EFL1: variants seen among roughly 807,000 people sequenced by gnomAD.
EFL1 encodes the protein elongation factor like GTPase 1.
Under a neutral mutation model 126.7 loss-of-function variants are expected in EFL1, and 76 were observed. The ratio of observed to expected loss-of-function variants is 0.60; its 90% CI spans 0.50 to 0.73. The LOEUF (loss-of-function observed/expected upper bound fraction) is 0.73, where lower values mean the gene tolerates loss of function less well. EFL1 is among the 30% of genes least tolerant of loss of function. EFL1 has a pLI of 0.00. For missense variants in EFL1, 1,128 were observed against 1,343.2 expected (o/e 0.84, Z 2.50); for synonymous variants, 410 against 448.4 (o/e 0.91, Z 1.08).
intron 2 of EFL1, 152 bp downstream of exon 2, chr15:82,261,536 G>A (rs2075117851): frequency 4.5e-6 from 3 of 660,728 alleles, no homozygotes; most frequent in East Asian, 5.6e-5. Context: ...TAGCAAAGCA[G>A]GCTTCCCTAA....
Position 82,214,817 on chromosome 15 carries a change from G to C in EFL1, c.1650C>G (p.Pro550=), listed in dbSNP as rs1444661680. 2.8e-5 allele frequency: 44 copies of C among 1,590,186 alleles called. No individual in the cohort carries two copies. Among genetic ancestry groups the C allele is most frequent in the Non-Finnish European group, 3.6e-5 (42 of 1,173,250 alleles). The change falls in exon 15 of 20, where the codon CCC becomes CCG. Residue 550 remains proline, a synonymous_variant. Transcript: ENST00000268206. ...LGFSAPPDGL[P]QVPHMAYCAL... is the part of the protein sequence containing the mutation. ...CACAGTATGCCATGTGGGGGACTTG[G>C]GGGAGGCCATCTGGTGGAGCTGAGA...
intron 18 of EFL1, among the ~76,000 whole-genome samples, chr15:82,150,300 AC>A (rs1382897124): frequency 6.6e-6 from 1 of 152,152 alleles, no homozygotes; most frequent in Admixed American, 6.5e-5. Flanking sequence ...CAGCAAAAGA[AC>A]CTTCCTAAAA....
At chr15:82,148,913 G>C (rs546520318) in intron 18 of EFL1, among the ~76,000 whole-genome samples, 16 of 151,960 alleles carry the variant, frequency 1.1e-4, no homozygotes, top group Non-Finnish European at 2.4e-4. Context: ...GTTTATACAA[G>C]TATGAGGTAA....
intron 12 of EFL1, among the ~76,000 whole-genome samples, chr15:82,224,226 A>G (rs911400949): frequency 1.3e-5 from 2 of 152,146 alleles, no homozygotes; most frequent in African/African-American, 4.8e-5. Context: ...CTCACATATC[A>G]TTTTCATGAT....
chr15:82,231,713 A>C (rs1348296470), intron 7 of EFL1, among the ~76,000 whole-genome samples: 1 of 152,070 alleles, frequency 6.6e-6, no homozygotes, highest in African/African-American at 2.4e-5. Context: ...CTGAAAGCCC[A>C]ACCTAATGCA....
rs769555564 is a variant in EFL1 at position 82,220,149 on chromosome 15, C to G, written c.1373G>C (p.Gly458Ala). The change falls in exon 13 of 20, where the codon GGA becomes GCA. Residue 458 changes from glycine (G) to alanine (A), a missense_variant. Transcript: ENST00000268206. ...TTGGGTGGGCTCCAAGGGTGCCTGT[C>G]CCTGTGCTGCTGCAAGCTTCTCTGC... ...RHAEKLAAAQ[G>A]QAPLEPTQDG... 9 of 1,613,768 alleles carry G rather than the reference C, an allele frequency of 5.6e-6. No homozygotes were observed. In the Admixed American group the frequency reaches 1.3e-4, roughly 24 times the overall value.
At chr15:82,204,893 G>A (rs2141285686) in intron 15 of EFL1, among the ~76,000 whole-genome samples, 1 of 152,320 alleles carries the variant, frequency 6.6e-6, no homozygotes, top group South Asian at 2.1e-4. Flanking sequence ...AAGAGAATAT[G>A]ATCTGCAGTC....
At chr15:82,213,992 T>A (rs1567065729) in intron 15 of EFL1, among the ~76,000 whole-genome samples, 1 of 152,190 alleles carries the variant, frequency 6.6e-6, no homozygotes, top group African/African-American at 2.4e-5. Flanking sequence ...AGGCCTTTTT[T>A]AAAAAAGTTA....
chr15:82,170,826 C>G (rs2074128099), intron 15 of EFL1, among the ~76,000 whole-genome samples: 1 of 152,056 alleles, frequency 6.6e-6, no homozygotes, highest in Non-Finnish European at 1.5e-5. Context: ...TCCCATTTAC[C>G]TAAATTTATA....
chr15:82,232,516 C>T lies in EFL1; in HGVS notation c.732-1545G>A, dbSNP rs117104393. On this transcript the variant is annotated intron_variant, in intron 7 of 19. Transcript: ENST00000268206. The stretch of plus-strand genomic sequence containing the variant: ...TGCCTACAGAGTTCTACTTATAGTT[C>T]TATTTTTGCCTCATGCACTTTGTTG... 2.2e-4 allele frequency among the ~76,000 whole-genome samples: 34 copies of T among 152,238 alleles called. No homozygotes were observed. In the East Asian group the frequency reaches 6.4e-3, roughly 29 times the overall value.
At chr15:82,202,445 T>C (rs2074479176) in intron 15 of EFL1, among the ~76,000 whole-genome samples, 1 of 152,256 alleles carries the variant, frequency 6.6e-6, no homozygotes, top group African/African-American at 2.4e-5. Context: ...TTAATTATAA[T>C]ATTTCCCAAG....
At chr15:82,139,938 G>A (rs546601116) in intron 18 of EFL1, among the ~76,000 whole-genome samples, 3 of 152,226 alleles carry the variant, frequency 2.0e-5, no homozygotes, top group African/African-American at 7.2e-5. Flanking sequence ...AAGCCAAAAT[G>A]TCTGACTTCC....
chr15:82,246,479 G>C (rs563419589), intron 4 of EFL1, among the ~76,000 whole-genome samples: 1 of 152,076 alleles, frequency 6.6e-6, no homozygotes, highest in Non-Finnish European at 1.5e-5. Flanking sequence ...CGGAGTAATT[G>C]AGAGAGTAAT....
intron 15 of EFL1, among the ~76,000 whole-genome samples, chr15:82,172,556 T>C (rs1273650612): frequency 1.3e-5 from 2 of 151,288 alleles, no homozygotes; most frequent in Non-Finnish European, 2.9e-5. Context: ...TGGACAAACC[T>C]GTTCATAATA....
At chr15:82,241,813 A>C (rs2074933998) in intron 4 of EFL1, among the ~76,000 whole-genome samples, 1 of 152,214 alleles carries the variant, frequency 6.6e-6, no homozygotes, top group Non-Finnish European at 1.5e-5. Context: ...AGCTGTTCAA[A>C]GGGCCAACAA....
intron 4 of EFL1, among the ~76,000 whole-genome samples, chr15:82,248,706 A>G (rs1375483658): frequency 6.6e-6 from 1 of 152,150 alleles, no homozygotes; most frequent in African/African-American, 2.4e-5. Context: ...GCTATTAGCT[A>G]GACTATATGC....
Position 82,220,227 on chromosome 15 carries a change from G to C in EFL1, c.1295C>G (p.Pro432Arg), listed in dbSNP as rs2074697206. Residue 432 changes from proline (P) to arginine (R), a missense_variant and splice_region_variant, in exon 13 of 20, where the codon CCT becomes CGT. Physicochemically the swap from Pro to Arg is moderately radical, Grantham distance 103. Transcript: ENST00000268206. ...CTGAGCAATTTCTTCTTGAGTGAGA[G>C]GCCTACAGGATATCACAAATATGCT... ...AKALPQNKPR[P>R]LTQEEIAQRR... The C allele has an allele frequency of 1.3e-6, 2 of 1,592,182 alleles. No homozygotes were observed. The highest frequency in any genetic ancestry group is 2.3e-5 in the South Asian group (2 of 86,828).
chr15:82,133,307 T>C (rs2073679691), intron 19 of EFL1, among the ~76,000 whole-genome samples: 1 of 152,176 alleles, frequency 6.6e-6, no homozygotes, highest in African/African-American at 2.4e-5. Context: ...AAAACACTCA[T>C]AATCTATCAA....
Position 82,207,307 on chromosome 15 carries a change from T to TACAC in EFL1, c.1750+7406_1750+7409dup, listed in dbSNP as rs1555429173. Reference sequence around the variant, plus strand: ...GTGTGTATATATATATATATATATATACACACACACATATAACATATATAG... The same window carrying TACAC: ...GTGTGTATATATATATATATATATATACACACACACACACATATAACATATATAG... On this transcript the variant is annotated intron_variant, in intron 15 of 19. Coordinates refer to ENST00000268206, the MANE Select transcript of EFL1 (RefSeq NM_024580.6). Among the ~76,000 whole-genome samples the TACAC allele has an allele frequency of 1.3e-3, 183 of 145,426 alleles. 1 individual carries two copies. Among genetic ancestry groups the TACAC allele is most frequent in the African/African-American group, 4.2e-3 (164 of 39,074 alleles).
Sources: allele counts gnomAD v4.1 joint callset (sites outside exome capture counted in the v4.1 genomes callset), GRCh38; gene constraint gnomAD v4.1.1; transcripts MANE v1.5; gene names NCBI Gene and HGNC (gene_info 2026-07-23, HGNC 2026-07-21).